Variants in UBA6 observed in about 807,000 individuals in gnomAD.
UBA6 encodes the protein ubiquitin-like modifier-activating enzyme 6.
Under a neutral mutation model 148.3 loss-of-function variants are expected in UBA6, and 87 were observed. That is an observed-to-expected ratio of 0.59 (90% CI 0.49 to 0.70). The LOEUF is 0.70. Among genes scored for constraint, UBA6 ranks in the 30% least tolerant of loss-of-function variants. The pLI, the probability that UBA6 is intolerant of heterozygous loss-of-function variation, is 0.00. For missense variants in UBA6, 1,186 were observed against 1,241.2 expected, an observed-to-expected ratio of 0.96 and a Z score of 0.67; for synonymous variants, 376 against 401.0, an observed-to-expected ratio of 0.94 and a Z score of 0.75.
chr4:67,654,632 C>T (rs1031264159), intron 13 of UBA6, among the ~76,000 whole-genome samples: 27 of 151,908 alleles, frequency 1.8e-4, no homozygotes, highest in Non-Finnish European at 3.7e-4. Flanking sequence ...CATCAATTAA[C>T]GGGCAAAAAA....
rs1729412303 is a variant in UBA6 at position 67,645,928 on chromosome 4, T to C, written c.1395+10A>G. ...TTGAACATACTATTCCCATGATTATTGATACTTACTAAGAAGATGTTTAAA... is the reference window on the plus strand; with the variant it reads ...TTGAACATACTATTCCCATGATTATCGATACTTACTAAGAAGATGTTTAAA... On this transcript the variant is annotated intron_variant, in intron 16 of 32. Transcript: ENST00000322244. 6.5e-7 allele frequency: 1 copy of C among 1,538,230 alleles called. No individual in the cohort carries two copies. The highest frequency in any genetic ancestry group is 8.9e-7 in the Non-Finnish European group (1 of 1,123,416).
At chr4:67,636,941 A>G (rs1729163529) in intron 19 of UBA6, among the ~76,000 whole-genome samples, 1 of 148,134 alleles carries the variant, frequency 6.8e-6, no homozygotes, top group Non-Finnish European at 1.5e-5. Flanking sequence ...CCGTCTAGGA[A>G]GTGAGGAGTG....
In UBA6 at chr4:67,635,535, G is replaced by A. The variant is rs1225460460; in HGVS notation, c.1760C>T (p.Pro587Leu). 2 of 1,611,762 alleles carry A rather than the reference G, an allele frequency of 1.2e-6. No homozygotes were observed. Among genetic ancestry groups the A allele is most frequent in the South Asian group, 2.2e-5 (2 of 90,954 alleles). The change falls in exon 20 of 33, where the codon CCT (proline) becomes CTT (leucine). Residue 587 changes from proline to leucine, a missense_variant. Coordinates refer to ENST00000322244, the MANE Select transcript of UBA6 (RefSeq NM_018227.6). ...GCCCATTGTTCCAGAATCTAAAAGAGGCCTTAGATTTGCTAAGCAACGACT... is the reference window on the plus strand; with the variant it reads ...GCCCATTGTTCCAGAATCTAAAAGAAGCCTTAGATTTGCTAAGCAACGACT... The part of the protein sequence containing the change: ...VDSRCLANLR[P>L]LLDSGTMGTK...
At chr4:67,636,112 G>T (rs1729132251) in intron 19 of UBA6, among the ~76,000 whole-genome samples, 1 of 152,156 alleles carries the variant, frequency 6.6e-6, no homozygotes, top group Non-Finnish European at 1.5e-5. Context: ...CACATTTATA[G>T]TCATTCATTC....
chr4:67,676,878 T>G (rs1429139979), intron 6 of UBA6, among the ~76,000 whole-genome samples: 1 of 150,132 alleles, frequency 6.7e-6, no homozygotes, highest in Non-Finnish European at 1.5e-5. Context: ...TTTAAATGGA[T>G]CACAGCATAA....
chr4:67,682,018 C>A, intron 3 of UBA6, 101 bp downstream of exon 3: 1 of 848,712 alleles, frequency 1.2e-6, no homozygotes, highest in South Asian at 1.7e-5. Flanking sequence ...CATTTTGGAT[C>A]TAACTTCCTT....
chr4:67,630,132 G>A (rs954780659), intron 26 of UBA6, among the ~76,000 whole-genome samples: 2 of 152,076 alleles, frequency 1.3e-5, no homozygotes, highest in Non-Finnish European at 2.9e-5. Flanking sequence ...TCAAAATTGC[G>A]ATGAAATGGT....
At position 67,634,338 on chromosome 4, in the gene UBA6, G is replaced by C. The variant is rs764267835; in HGVS notation, c.1933-16C>G. 4.0e-6 allele frequency: 6 copies of C among 1,508,670 alleles called. No individual in the cohort carries two copies. The highest frequency in any genetic ancestry group is 5.3e-6 in the Non-Finnish European group (6 of 1,125,828). The allele number at this position is 1,508,670 out of a possible 1,614,324, so 93.5% of individuals were successfully genotyped here. On this transcript the variant is annotated splice_polypyrimidine_tract_variant and intron_variant, in intron 21 of 32. Transcript: ENST00000322244. ...AACTTTCAAACTGTAACAGAGAAAA[G>C]AAAAAAAAAATTACAAATAGAAGTC...
chr4:67,647,715 ATTTAT>A (rs1364613197), intron 14 of UBA6, among the ~76,000 whole-genome samples: 2 of 151,026 alleles, frequency 1.3e-5, no homozygotes, highest in African/African-American at 2.4e-5. Context: ...ACAAATGGTT[ATTTAT>A]TTTATTATAA....
At chr4:67,687,470 G>C (rs1730600595) in intron 2 of UBA6, among the ~76,000 whole-genome samples, 1 of 152,154 alleles carries the variant, frequency 6.6e-6, no homozygotes, top group South Asian at 2.1e-4. Flanking sequence ...TGTCTCCAAA[G>C]GCCATGTTAA....
chr4:67,696,821 T>A, intron 1 of UBA6, 114 bp from the exon 2 acceptor site: 1 of 708,452 alleles, frequency 1.4e-6, no homozygotes, highest in South Asian at 2.1e-5. Context: ...ACATATATTT[T>A]ATTAACAACC....
chr4:67,678,321 T>C (rs1485953121), intron 5 of UBA6, 118 bp downstream of exon 5: 1 of 515,854 alleles, frequency 1.9e-6, no homozygotes, highest in Non-Finnish European at 3.3e-6. Flanking sequence ...TCTTTACCTG[T>C]ATAAAGTAGA....
chr4:67,673,418 GAA>G (rs566565882), intron 7 of UBA6, among the ~76,000 whole-genome samples: 16,856 of 101,786 alleles, frequency 0.17, 1,086 homozygotes, highest in Middle Eastern at 0.28. Context: ...TCTGTCTCGG[GAA>G]AAAAAAAAAA....
rs1036963030 is a variant in UBA6, at chr4:67,616,044, ATG to A, written c.*2951_*2952del. 164 of 389,764 alleles carry A rather than the reference ATG, an allele frequency of 4.2e-4. No homozygotes were observed. The highest frequency in any genetic ancestry group is 2.5e-3 in the African/African-American group (123 of 48,502). The allele number at this position is 389,764 out of a possible 1,614,324, so 24.1% of individuals were successfully genotyped here. A position where few individuals can be genotyped will look rare whatever the true frequency, so the allele number is the denominator to read the frequency against. On this transcript the variant is annotated 3_prime_UTR_variant, in exon 33 of 33. Transcript: ENST00000322244. ...ATATTTTATGTATTTTTGAATATAT[ATG>A]TGTTTTTGAAAAATATATATTTCTC...
chr4:67,636,636 T>C (rs996827856), intron 19 of UBA6, among the ~76,000 whole-genome samples: 1 of 152,254 alleles, frequency 6.6e-6, no homozygotes, highest in Admixed American at 6.5e-5. Context: ...GTGAGTGATC[T>C]GCCAGCCTCG....
intron 13 of UBA6, 31 bp from the exon 14 acceptor site, chr4:67,649,242 T>G: frequency 6.3e-7 from 1 of 1,588,618 alleles, no homozygotes; most frequent in South Asian, 1.2e-5. Flanking sequence ...GACAATAACA[T>G]TAACAGCATT....
chr4:67,646,728 G>T lies in UBA6; in HGVS notation c.1312C>A (p.Pro438Thr). The stretch of plus-strand genomic sequence containing the variant: ...CAAGAGAAATTTCATTATTACCGTG[G>T]GAGAAATTCTTCACATTCAGGTTTG... ...LGKPECEEFL[P>T]RGDRYDALRA... Residue 438 changes from proline to threonine, a missense_variant, in exon 15 of 33, where the codon CCA becomes ACA. Physicochemically the swap from Pro to Thr is conservative, Grantham distance 38. Coordinates refer to ENST00000322244, the MANE Select transcript of UBA6 (RefSeq NM_018227.6). The T allele has an allele frequency of 6.2e-7, 1 of 1,601,070 alleles. No individual in the cohort carries two copies. Among genetic ancestry groups the T allele is most frequent in the East Asian group, 2.3e-5 (1 of 44,024 alleles).
intron 1 of UBA6, among the ~76,000 whole-genome samples, chr4:67,700,771 G>A (rs949712339): frequency 4.6e-5 from 7 of 152,094 alleles, no homozygotes; most frequent in African/African-American, 1.4e-4. Flanking sequence ...CCCCAAGTCT[G>A]GTGACTTGGA....
intron 27 of UBA6, among the ~76,000 whole-genome samples, chr4:67,627,208 A>G (rs930001265): frequency 3.6e-4 from 55 of 152,036 alleles, no homozygotes; most frequent in African/African-American, 1.2e-3. Flanking sequence ...TTAAAAATAC[A>G]CTCAAATCAT....
Sources: gnomAD v4.1 joint callset for allele counts (sites outside exome capture counted in the v4.1 genomes callset) on GRCh38, gnomAD v4.1.1 for gene constraint, MANE v1.5 for transcripts, NCBI Gene and HGNC (gene_info 2026-07-23, HGNC 2026-07-21) for gene names.